GNB1: variants seen among roughly 807,000 people sequenced by gnomAD.
The protein encoded by GNB1 is guanine nucleotide-binding protein G(I)/G(S)/G(T) subunit beta-1.
A neutral mutation model predicts 42.9 loss-of-function variants in GNB1; 2 were observed. That is an observed-to-expected ratio of 0.05 (90% CI 0.02 to 0.15). The LOEUF (loss-of-function observed/expected upper bound fraction) is 0.15, where lower values mean the gene tolerates loss of function less well. Among genes scored for constraint, GNB1 ranks in the 10% least tolerant of loss-of-function variants. GNB1 has a pLI of 1.00. For missense variants in GNB1, 193 were observed against 462.2 expected (o/e 0.42, Z 5.34); for synonymous variants, 183 against 174.7 (o/e 1.05, Z -0.38).
At chr1:1,847,059 A>T (rs1420901301) in intron 1 of GNB1, among the ~76,000 whole-genome samples, 1 of 152,238 alleles carries the variant, frequency 6.6e-6, no homozygotes, top group Non-Finnish European at 1.5e-5. Context: ...TTTAATGCAG[A>T]CAAAAGTGCC....
At chr1:1,818,508 T>A (rs1646887652) in intron 3 of GNB1, 2 of 151,820 alleles carry the variant, frequency 1.3e-5, no homozygotes, top group Non-Finnish European at 2.9e-5. Context: ...GCCCATGAGT[T>A]CAAGACCAGC....
intron 1 of GNB1, among the ~76,000 whole-genome samples, chr1:1,889,630 G>A (rs192422663): frequency 7.0e-5 from 10 of 142,210 alleles, no homozygotes; most frequent in Non-Finnish European, 1.1e-4. Flanking sequence ...TGGTTAACAG[G>A]ATCTCTTTTA....
At chr1:1,842,235 C>A (rs61025842) in intron 1 of GNB1, among the ~76,000 whole-genome samples, 63,530 of 152,094 alleles carry the variant, frequency 0.42, 14,479 homozygotes, top group East Asian at 0.59. Context: ...TTGAGACCAT[C>A]CTGGCTAACA....
chr1:1,794,449 T>C (rs770337948), intron 7 of GNB1, among the ~76,000 whole-genome samples: 6 of 152,140 alleles, frequency 3.9e-5, no homozygotes, highest in Non-Finnish European at 5.9e-5. Context: ...CCAGGATTGG[T>C]GACAGACTGG....
chr1:1,790,254 T>C lies in GNB1; in HGVS notation c.699+141A>G. 3.1e-6 allele frequency: 2 copies of C among 637,618 alleles called. No homozygotes were observed. The highest frequency in any genetic ancestry group is 2.7e-5 in the East Asian group (1 of 36,560). 39.5% of individuals were successfully genotyped at this position (637,618 alleles called of 1,614,324 possible). ...CACAGAGAAGTTTCCCATCGGGAGT[T>C]TTCTGTATCCCCATCTGTACATGAG... On this transcript the variant is annotated intron_variant, in intron 9 of 11. Coordinates refer to ENST00000378609, the MANE Select transcript of GNB1 (RefSeq NM_002074.5). The surrounding 1 kb of genome is among the most constrained non-coding windows in gnomAD (Gnocchi z 5.4).
At position 1,789,114 on chromosome 1, in the gene GNB1, G is replaced by A. The variant is rs1557879564; in HGVS notation, c.855C>T (p.Leu285=). The A allele has an allele frequency of 1.2e-6, 2 of 1,614,200 alleles. No homozygotes were observed. Among genetic ancestry groups the A allele is most frequent in the Non-Finnish European group, 1.7e-6 (2 of 1,180,028 alleles). ...AGTTGAAGTCGTCGTACCCAGCAAG[G>A]AGGAGGCGCCCGCTCTTGGAGAAGG... The part of the protein sequence containing the change: ...SVSFSKSGRL[L]LAGYDDFNCN... The change falls in exon 10 of 12, where the codon CTC becomes CTT. Residue 285 remains leucine (L), a synonymous_variant. Transcript: ENST00000378609.
chr1:1,855,052 G>C (rs914857681), intron 1 of GNB1, among the ~76,000 whole-genome samples: 1 of 152,100 alleles, frequency 6.6e-6, no homozygotes, highest in African/African-American at 2.4e-5. Context: ...CCAGCTACTT[G>C]GGAGGCTGAG....
intron 5 of GNB1, 147 bp downstream of exon 5, chr1:1,815,609 G>T (rs1279997827): frequency 3.3e-6 from 2 of 604,556 alleles, no homozygotes; most frequent in African/African-American, 1.9e-5. Flanking sequence ...ACCTGTGAAC[G>T]CTGCACCTTG....
intron 5 of GNB1, among the ~76,000 whole-genome samples, chr1:1,810,551 A>C (rs971161129): frequency 2.6e-5 from 4 of 152,006 alleles, no homozygotes; most frequent in Non-Finnish European, 5.9e-5. Flanking sequence ...AAAAAAAAAA[A>C]AAAAAAAGTT....
intron 7 of GNB1, among the ~76,000 whole-genome samples, chr1:1,802,329 G>C (rs886543710): frequency 3.9e-5 from 6 of 152,216 alleles, no homozygotes; most frequent in Middle Eastern, 3.4e-3. Flanking sequence ...ATGATACCAA[G>C]TGTGTCTTTA....
intron 7 of GNB1, among the ~76,000 whole-genome samples, chr1:1,796,139 G>T (rs1414108020): frequency 1.3e-5 from 2 of 152,196 alleles, no homozygotes. Flanking sequence ...TATAAGATAT[G>T]TATTATGTTA....
At chr1:1,872,906 C>G (rs1373105560) in intron 1 of GNB1, among the ~76,000 whole-genome samples, 1 of 152,252 alleles carries the variant, frequency 6.6e-6, no homozygotes, top group South Asian at 2.1e-4. Context: ...CCCACAGATA[C>G]CATATTATTA....
At chr1:1,789,928 G>T (rs768823062) in intron 9 of GNB1, among the ~76,000 whole-genome samples, 14 of 152,158 alleles carry the variant, frequency 9.2e-5, no homozygotes, top group Non-Finnish European at 1.6e-4. Flanking sequence ...AAGGAGGGAA[G>T]CGGGCTGACC....
intron 7 of GNB1, among the ~76,000 whole-genome samples, chr1:1,798,727 A>T (rs184950357): frequency 4.6e-5 from 7 of 152,242 alleles, no homozygotes; most frequent in Admixed American, 2.0e-4. Flanking sequence ...TTGGAGACGG[A>T]GTTTCGCTCT....
intron 1 of GNB1, among the ~76,000 whole-genome samples, chr1:1,888,570 G>C (rs767335467): frequency 2.0e-5 from 3 of 152,172 alleles, no homozygotes; most frequent in Non-Finnish European, 4.4e-5. Flanking sequence ...GGGCGCGGTG[G>C]CTCACGCTCG....
chr1:1,814,404 G>A (rs1243634032), intron 5 of GNB1, among the ~76,000 whole-genome samples: 2 of 152,160 alleles, frequency 1.3e-5, no homozygotes, highest in Non-Finnish European at 2.9e-5. Flanking sequence ...TATTTAGATA[G>A]AACAGGCACC....
At chr1:1,813,152 TTTTC>T (rs1450642005) in intron 5 of GNB1, among the ~76,000 whole-genome samples, 1 of 152,140 alleles carries the variant, frequency 6.6e-6, no homozygotes, top group East Asian at 1.9e-4. Context: ...TAACAACATT[TTTTC>T]TTTTTTTTTT....
At chr1:1,845,795 C>T (rs1279317146) in intron 1 of GNB1, among the ~76,000 whole-genome samples, 9 of 142,322 alleles carry the variant, frequency 6.3e-5, no homozygotes, top group African/African-American at 2.1e-4. Flanking sequence ...ACATTTATTC[C>T]GCTGTAGAAT....
intron 1 of GNB1, among the ~76,000 whole-genome samples, chr1:1,843,683 C>T (rs1490033484): frequency 3.9e-5 from 6 of 152,120 alleles, no homozygotes; most frequent in Non-Finnish European, 8.8e-5. Context: ...CAAATGTATG[C>T]TCTTTTTCTG....
Sources: allele counts gnomAD v4.1 joint callset (sites outside exome capture counted in the v4.1 genomes callset), GRCh38; gene constraint gnomAD v4.1.1; non-coding constraint Gnocchi (gnomAD v3.1); transcripts MANE v1.5; gene names NCBI Gene and HGNC (gene_info 2026-07-23, HGNC 2026-07-21).